RCHY1: variants seen among roughly 807,000 people sequenced by gnomAD.
RCHY1 encodes RING finger and CHY zinc finger domain-containing protein 1.
A neutral mutation model predicts 41.6 loss-of-function variants in RCHY1; 21 were observed. The observed-to-expected ratio is 0.51, with a 90% CI of 0.36 to 0.73. The LOEUF is 0.73. Ranked by LOEUF, RCHY1 falls within the 30% of genes least tolerant of loss-of-function variation. The probability of loss-of-function intolerance (pLI) is 0.00; values close to 1 mark genes in which losing one functional copy is unlikely to be tolerated. For synonymous variants in RCHY1, 79 were observed against 102.9 expected, an observed-to-expected ratio of 0.77 and a Z score of 1.41; for missense variants, 265 against 325.3, an observed-to-expected ratio of 0.81 and a Z score of 1.43.
intron 1 of RCHY1, among the ~76,000 whole-genome samples, chr4:75,512,106 G>C (rs1055757791): frequency 6.6e-6 from 1 of 152,150 alleles, no homozygotes; most frequent in Admixed American, 6.5e-5. Flanking sequence ...ACTTCTATCA[G>C]AAGCAGGTGA....
At chr4:75,507,521 C>T (rs546037982) in intron 3 of RCHY1, among the ~76,000 whole-genome samples, 3 of 151,908 alleles carry the variant, frequency 2.0e-5, no homozygotes, top group East Asian at 1.9e-4. Flanking sequence ...TAATAAAAAA[C>T]GAACTATATA....
intron 3 of RCHY1, among the ~76,000 whole-genome samples, chr4:75,496,226 A>G (rs572539679): frequency 6.6e-6 from 1 of 152,266 alleles, no homozygotes; most frequent in East Asian, 1.9e-4. Flanking sequence ...ACATCAGGCA[A>G]CAACACAGAG....
chr4:75,494,510 T>G (rs1017710946), intron 3 of RCHY1: 2 of 232,128 alleles, frequency 8.6e-6, no homozygotes, highest in African/African-American at 4.7e-5. Flanking sequence ...ACTTGATATA[T>G]TCTGAGGATT....
At chr4:75,512,792 C>A (rs1725047131) in intron 1 of RCHY1, among the ~76,000 whole-genome samples, 1 of 151,702 alleles carries the variant, frequency 6.6e-6, no homozygotes, top group African/African-American at 2.4e-5. Flanking sequence ...CCAGTGACCT[C>A]TTCCTTGCCA....
chr4:75,504,703 C>A (rs756996711), intron 3 of RCHY1, among the ~76,000 whole-genome samples: 2 of 152,134 alleles, frequency 1.3e-5, no homozygotes, highest in Admixed American at 6.5e-5. Context: ...ACAGAGGACA[C>A]TGACATATTT....
chr4:75,481,419 G>C lies in RCHY1; in HGVS notation c.*1119C>G, dbSNP rs1257463595. On this transcript the variant is annotated 3_prime_UTR_variant, in exon 9 of 9. Coordinates refer to ENST00000324439, the MANE Select transcript of RCHY1 (RefSeq NM_015436.4). The stretch of plus-strand genomic sequence containing the variant: ...GAGATAACAGTGTCAAAGTCGGCTG[G>C]ATCATCAAACATATTTGTTAACTTT... The C allele has an allele frequency of 6.6e-6, 1 of 152,142 alleles. No homozygotes were observed. Among genetic ancestry groups the C allele is most frequent in the Non-Finnish European group, 1.5e-5 (1 of 68,024 alleles). 9.4% of individuals were successfully genotyped at this position (152,142 alleles called of 1,614,324 possible). A position where few individuals can be genotyped will look rare whatever the true frequency, so the allele number is the denominator to read the frequency against.
chr4:75,512,575 T>C (rs1268048608), intron 1 of RCHY1, among the ~76,000 whole-genome samples: 5 of 152,128 alleles, frequency 3.3e-5, no homozygotes, highest in African/African-American at 1.2e-4. Context: ...TTTCCTAGAA[T>C]ATACAAACAT....
intron 3 of RCHY1, among the ~76,000 whole-genome samples, chr4:75,503,546 T>A (rs1723999322): frequency 1.3e-5 from 2 of 151,898 alleles, no homozygotes; most frequent in African/African-American, 4.8e-5. Context: ...AATACAAAAA[T>A]TAGCTGGCTG....
At chr4:75,500,333 A>G (rs1472891764) in intron 3 of RCHY1, among the ~76,000 whole-genome samples, 6 of 152,220 alleles carry the variant, frequency 3.9e-5, no homozygotes, top group Admixed American at 1.3e-4. Context: ...TGCTTATTTA[A>G]TAACAATGAG....
intron 3 of RCHY1, among the ~76,000 whole-genome samples, chr4:75,495,970 G>A (rs1723168518): frequency 6.6e-6 from 1 of 151,988 alleles, no homozygotes; most frequent in Non-Finnish European, 1.5e-5. Context: ...AATTACTATA[G>A]CTTTATCATG....
Position 75,480,627 on chromosome 4 carries a change from C to A in RCHY1, c.*1911G>T, listed in dbSNP as rs1947271274. On this transcript the variant is annotated 3_prime_UTR_variant, in exon 9 of 9. Coordinates refer to ENST00000324439, the MANE Select transcript of RCHY1 (RefSeq NM_015436.4). ...AACAGAAGAGCCTTATTATTATATA[C>A]TCACTCCTATTTAAAGATCCAATGA... 1 of 152,162 alleles carries A rather than the reference C, an allele frequency of 6.6e-6. No homozygotes were observed. The highest frequency in any genetic ancestry group is 1.9e-4 in the East Asian group (1 of 5,196). The allele number at this position is 152,162 out of a possible 1,614,324, so 9.4% of individuals were successfully genotyped here. A position where few individuals can be genotyped will look rare whatever the true frequency, so the allele number is the denominator to read the frequency against.
chr4:75,494,920 G>T (rs1011597853), intron 3 of RCHY1, among the ~76,000 whole-genome samples: 1 of 151,758 alleles, frequency 6.6e-6, no homozygotes. Flanking sequence ...ATGAGACAGG[G>T]ACTGTACATT....
At chr4:75,484,714 T>C (rs528416410) in intron 8 of RCHY1, among the ~76,000 whole-genome samples, 1 of 152,254 alleles carries the variant, frequency 6.6e-6, no homozygotes, top group East Asian at 1.9e-4. Flanking sequence ...GCAGCACTTT[T>C]TAAACATTTT....
At chr4:75,492,907 A>G (rs1434475151) in intron 4 of RCHY1, among the ~76,000 whole-genome samples, 2 of 152,012 alleles carry the variant, frequency 1.3e-5, no homozygotes, top group African/African-American at 4.8e-5. Flanking sequence ...AAATTAATAC[A>G]TATTTCATTT....
At chr4:75,491,810 G>C (rs1309311330) in intron 5 of RCHY1, 28 bp from the exon 6 acceptor site, 1 of 1,608,540 alleles carries the variant, frequency 6.2e-7, no homozygotes, top group Non-Finnish European at 8.5e-7. Flanking sequence ...GTTAGTGCTT[G>C]TATGAAGACA....
intron 3 of RCHY1, among the ~76,000 whole-genome samples, chr4:75,502,847 G>A (rs771563171): frequency 3.3e-5 from 5 of 152,022 alleles, no homozygotes; most frequent in East Asian, 1.9e-4. Flanking sequence ...ATAATCCTTC[G>A]GTTTTCTTTC....
intron 3 of RCHY1, among the ~76,000 whole-genome samples, chr4:75,502,287 T>C (rs760573479): frequency 1.2e-4 from 19 of 152,154 alleles, no homozygotes; most frequent in African/African-American, 4.8e-5. Flanking sequence ...ACACCTGTAA[T>C]CCCAGCACTT....
In RCHY1 at chr4:75,494,103, T is replaced by C; in HGVS notation, c.403A>G (p.Lys135Glu). 2 of 1,516,210 alleles carry C rather than the reference T, an allele frequency of 1.3e-6. No homozygotes were observed. The highest frequency in any genetic ancestry group is 1.8e-6 in the Non-Finnish European group (2 of 1,120,682). The allele number at this position is 1,516,210 out of a possible 1,614,324, so 93.9% of individuals were successfully genotyped here. A position where few individuals can be genotyped will look rare whatever the true frequency, so the allele number is the denominator to read the frequency against. Residue 135 changes from lysine (K) to glutamate (E), a missense_variant and splice_region_variant, in exon 4 of 9, where the codon AAG (lysine) becomes GAG (glutamate). Physicochemically the swap from Lys to Glu is moderately conservative, Grantham distance 56 (BLOSUM62 1). Coordinates refer to ENST00000324439, the MANE Select transcript of RCHY1 (RefSeq NM_015436.4). ...ATTATACAAACTAAATTATATACCT[T>C]GTGTCTTCCTTGAAGATTCATAGCT... ...CLAMNLQGRH[K>E]CIENVSRQNC...
rs560960454 is a variant in RCHY1 at position 75,479,361 on chromosome 4, G to A, written c.*3177C>T. ...CATTTCAAATTAAACTATTCAACTAGTGAATACCTATTGCCAGGCACTTAT... is the reference window on the plus strand; with the variant it reads ...CATTTCAAATTAAACTATTCAACTAATGAATACCTATTGCCAGGCACTTAT... On this transcript the variant is annotated 3_prime_UTR_variant, in exon 9 of 9. Coordinates refer to ENST00000324439, the MANE Select transcript of RCHY1 (RefSeq NM_015436.4). 6.6e-6 allele frequency: 1 copy of A among 152,134 alleles called. No homozygotes were observed. Among genetic ancestry groups the A allele is most frequent in the Non-Finnish European group, 1.5e-5 (1 of 67,944 alleles). The allele number at this position is 152,134 out of a possible 1,614,324, so 9.4% of individuals were successfully genotyped here.
Sources: allele counts gnomAD v4.1 joint callset (sites outside exome capture counted in the v4.1 genomes callset), GRCh38; gene constraint gnomAD v4.1.1; transcripts MANE v1.5; gene names NCBI Gene and HGNC (gene_info 2026-07-23, HGNC 2026-07-21).